Variants in HRH2 observed in about 807,000 individuals in gnomAD.
The protein encoded by HRH2 is histamine receptor H2, also known as histamine H2 receptor.
In HRH2, 4 loss-of-function variants were observed where a neutral mutation model predicts 20.1. That is an observed-to-expected ratio of 0.20 (90% CI 0.10 to 0.45). The LOEUF is 0.45. Ranked by LOEUF, HRH2 falls within the 20% of genes least tolerant of loss-of-function variation. HRH2 has a pLI of 0.99. For missense variants in HRH2, 250 were observed against 461.6 expected, an observed-to-expected ratio of 0.54 and a Z score of 4.20; for synonymous variants, 197 against 200.7, an observed-to-expected ratio of 0.98 and a Z score of 0.16.
intron 2 of HRH2, among the ~76,000 whole-genome samples, chr5:175,705,087 A>T (rs1303067002): frequency 2.0e-5 from 3 of 152,168 alleles, no homozygotes; most frequent in Admixed American, 2.0e-4. Context: ...CTGGAGGAAA[A>T]GACTCAATAT....
At position 175,709,389 on chromosome 5, in the gene HRH2, A is replaced by G. The variant is rs1319121278; in HGVS notation, c.*1418A>G. 1 of 152,164 alleles carries G rather than the reference A, an allele frequency of 6.6e-6. No homozygotes were observed. The highest frequency in any genetic ancestry group is 1.5e-5 in the Non-Finnish European group (1 of 68,064). The allele number at this position is 152,164 out of a possible 1,614,324, so 9.4% of individuals were successfully genotyped here. A position where few individuals can be genotyped will look rare whatever the true frequency, so the allele number is the denominator to read the frequency against. On this transcript the variant is annotated 3_prime_UTR_variant, in exon 3 of 3. Transcript: ENST00000636584. ...ACAAGGCACGAGGTTTGGTTATGAA[A>G]TCACTCACAGATTTATAACTGCAGG...
At chr5:175,679,323 A>C (rs1755877616) in intron 1 of HRH2, among the ~76,000 whole-genome samples, 1 of 152,184 alleles carries the variant, frequency 6.6e-6, no homozygotes, top group Non-Finnish European at 1.5e-5. Context: ...TCCACCTCAG[A>C]AAGCACAAGC....
intron 2 of HRH2, among the ~76,000 whole-genome samples, chr5:175,701,993 A>G (rs764051733): frequency 6.6e-6 from 1 of 152,212 alleles, no homozygotes; most frequent in Non-Finnish European, 1.5e-5. Context: ...AGGTTGGTGC[A>G]AAAGTAATTG....
chr5:175,669,373 T>C (rs962929353), intron 1 of HRH2, among the ~76,000 whole-genome samples: 122 of 150,762 alleles, frequency 8.1e-4, no homozygotes, highest in African/African-American at 2.9e-3. Context: ...TCTTTTTTTT[T>C]TTTTTTTTGA....
At chr5:175,699,471 G>A (rs933920093) in intron 2 of HRH2, among the ~76,000 whole-genome samples, 3 of 152,190 alleles carry the variant, frequency 2.0e-5, no homozygotes, top group African/African-American at 7.2e-5. Context: ...CCAGGATGCA[G>A]GTGAAACTGA....
At chr5:175,703,290 C>A (rs943133422) in intron 2 of HRH2, among the ~76,000 whole-genome samples, 1 of 152,128 alleles carries the variant, frequency 6.6e-6, no homozygotes, top group Admixed American at 6.5e-5. Context: ...CATAACAAAA[C>A]TCTTACATAG....
Position 175,693,085 on chromosome 5 carries a change from G to C in HRH2, c.1076+8776G>C, listed in dbSNP as rs1244719482. 6.6e-6 allele frequency among the ~76,000 whole-genome samples: 1 copy of C among 152,182 alleles called. No individual in the cohort carries two copies. The highest frequency in any genetic ancestry group is 1.9e-4 in the East Asian group (1 of 5,184). On this transcript the variant is annotated intron_variant, in intron 2 of 2. Coordinates refer to ENST00000636584, the MANE Select transcript of HRH2 (RefSeq NM_001367711.1). This position sits in a 1 kb window ranked among gnomAD's most constrained non-coding sequence, Gnocchi z 4.4. ...CACAGATTGGCTGTGTGAGCTTGGA[G>C]AGATCGCATCCCTCTCTGAGTCCCA...
intron 1 of HRH2, among the ~76,000 whole-genome samples, chr5:175,668,738 C>T (rs1201630923): frequency 6.6e-6 from 1 of 152,080 alleles, no homozygotes; most frequent in Non-Finnish European, 1.5e-5. Flanking sequence ...TGTCCAGGAA[C>T]AATCGCGTGC....
chr5:175,683,587 C>G lies in HRH2; in HGVS notation c.354C>G (p.Cys118Trp), dbSNP rs202145100. The stretch of plus-strand genomic sequence containing the variant: ...TCATGATCAGCCTCGACCGGTACTG[C>G]GCTGTCATGGACCCACTGCGGTACC... ...NLFMISLDRY[C>W]AVMDPLRYPV... The change falls in exon 2 of 3, where the codon TGC (cysteine) becomes TGG (tryptophan). Residue 118 changes from cysteine to tryptophan, a missense_variant. Coordinates refer to ENST00000636584, the MANE Select transcript of HRH2 (RefSeq NM_001367711.1). 6.2e-7 allele frequency: 1 copy of G among 1,614,090 alleles called. No individual in the cohort carries two copies. Among genetic ancestry groups the G allele is most frequent in the Non-Finnish European group, 8.5e-7 (1 of 1,180,056 alleles).
In HRH2 at chr5:175,699,105, G is replaced by A. The variant is rs115940514; in HGVS notation, c.1077-8674G>A. On this transcript the variant is annotated intron_variant, in intron 2 of 2. Coordinates refer to ENST00000636584, the MANE Select transcript of HRH2 (RefSeq NM_001367711.1). ...TTCATGGGCAGAGGGCTGAAGTGTGGGGAGAAGGCCGTGAGAAAAGAATTC... is the reference window on the plus strand; with the variant it reads ...TTCATGGGCAGAGGGCTGAAGTGTGAGGAGAAGGCCGTGAGAAAAGAATTC... Among the ~76,000 whole-genome samples the A allele has an allele frequency of 2.3e-3, 351 of 151,990 alleles. 4 individuals carry two copies. Among genetic ancestry groups the A allele is most frequent in the African/African-American group, 8.0e-3 (330 of 41,314 alleles).
chr5:175,696,139 T>A (rs959488027), intron 2 of HRH2, among the ~76,000 whole-genome samples: 2 of 152,258 alleles, frequency 1.3e-5, no homozygotes, highest in African/African-American at 4.8e-5. Context: ...CACCTGTGTG[T>A]GAGCCACCGT....
intron 2 of HRH2, among the ~76,000 whole-genome samples, chr5:175,706,360 G>A (rs1756941235): frequency 6.6e-6 from 1 of 152,212 alleles, no homozygotes; most frequent in Non-Finnish European, 1.5e-5. Flanking sequence ...AGGAAGAATT[G>A]AGATGTTTAT....
At chr5:175,695,385 G>C (rs890741782) in intron 2 of HRH2, among the ~76,000 whole-genome samples, 7 of 152,182 alleles carry the variant, frequency 4.6e-5, no homozygotes, top group African/African-American at 1.7e-4. Flanking sequence ...ATAGAGGCTG[G>C]AGAACAGTGT....
intron 2 of HRH2, among the ~76,000 whole-genome samples, chr5:175,689,423 G>T (rs1327996643): frequency 6.6e-6 from 1 of 151,982 alleles, no homozygotes; most frequent in Non-Finnish European, 1.5e-5. Flanking sequence ...TTCACTACTG[G>T]ACCCTAACAC....
intron 2 of HRH2, chr5:175,685,251 C>T (rs1025230545): frequency 1.7e-5 from 3 of 179,270 alleles, no homozygotes; most frequent in African/African-American, 7.2e-5. Flanking sequence ...GGAAACCACA[C>T]CAAAGACCTG....
chr5:175,666,857 C>T (rs547317350), intron 1 of HRH2, among the ~76,000 whole-genome samples: 9 of 152,086 alleles, frequency 5.9e-5, no homozygotes, highest in Non-Finnish European at 1.2e-4. Flanking sequence ...GTAGATAAGA[C>T]CTTCATGTGG....
chr5:175,698,708 T>C (rs1430913149), intron 2 of HRH2, among the ~76,000 whole-genome samples: 1 of 152,178 alleles, frequency 6.6e-6, no homozygotes, highest in African/African-American at 2.4e-5. Flanking sequence ...AGCTCCCTTA[T>C]CAAAATTCCC....
chr5:175,669,011 C>T (rs1166091730), intron 1 of HRH2, among the ~76,000 whole-genome samples: 1 of 152,132 alleles, frequency 6.6e-6, no homozygotes, highest in East Asian at 1.9e-4. Context: ...GAGATGGGGT[C>T]TCCTCCAGCT....
intron 2 of HRH2, among the ~76,000 whole-genome samples, chr5:175,684,943 A>T (rs940232745): frequency 6.6e-6 from 1 of 152,154 alleles, no homozygotes; most frequent in Non-Finnish European, 1.5e-5. Context: ...AGGGTAACTT[A>T]AGCAGATCTA....
Sources: gnomAD v4.1 joint callset for allele counts (sites outside exome capture counted in the v4.1 genomes callset) on GRCh38, gnomAD v4.1.1 for gene constraint, Gnocchi (gnomAD v3.1) non-coding constraint, MANE v1.5 for transcripts, NCBI Gene and HGNC (gene_info 2026-07-23, HGNC 2026-07-21) for gene names.